TAF8: variants seen among roughly 807,000 people sequenced by gnomAD.
The protein encoded by TAF8 is transcription initiation factor TFIID subunit 8.
A neutral mutation model predicts 36.5 loss-of-function variants in TAF8; 47 were observed. The observed-to-expected ratio is 1.29, with a 90% confidence interval of 1.02 to 1.64. The LOEUF is 1.64. Among genes scored for constraint, TAF8 ranks in the 40% most tolerant of loss-of-function variants. TAF8 has a pLI of 0.00. For synonymous variants in TAF8, 175 were observed against 159.5 expected (o/e 1.10, Z -0.73); for missense variants, 420 against 407.6 (o/e 1.03, Z -0.26).
intron 6 of TAF8, among the ~76,000 whole-genome samples, chr6:42,067,190 A>G (rs1482573308): frequency 6.6e-6 from 1 of 152,192 alleles, no homozygotes; most frequent in Non-Finnish European, 1.5e-5. Context: ...AGGACCCCAC[A>G]TCTGACCCAC....
chr6:42,057,619 G>A, intron 5 of TAF8, 106 bp downstream of exon 5: 3 of 1,469,606 alleles, frequency 2.0e-6, no homozygotes. Context: ...ATGAAAGAGT[G>A]GTTCAAAACT....
chr6:42,078,595 G>A lies in TAF8; in HGVS notation c.*1050G>A. ...TGAGCAGATGCATCACTGTGAAGAA[G>A]AACGACATGTCGGGGCTGCACCTGT... On this transcript the variant is annotated 3_prime_UTR_variant, in exon 9 of 9. Coordinates refer to ENST00000372977, the MANE Select transcript of TAF8 (RefSeq NM_138572.3). The A allele has an allele frequency of 3.0e-6, 3 of 985,504 alleles. No individual in the cohort carries two copies. Among genetic ancestry groups the A allele is most frequent in the Non-Finnish European group, 2.4e-6 (2 of 829,950 alleles). The allele number at this position is 985,504 out of a possible 1,614,324, so 61.0% of individuals were successfully genotyped here. A position where few individuals can be genotyped will look rare whatever the true frequency, so the allele number is the denominator to read the frequency against.
rs1323494562 is a variant in TAF8, at chr6:42,079,960, G to A, written c.*2415G>A. 11 of 984,378 alleles carry A rather than the reference G, an allele frequency of 1.1e-5. No individual in the cohort carries two copies. The highest frequency in any genetic ancestry group is 1.3e-5 in the Non-Finnish European group (11 of 829,834). 61.0% of individuals were successfully genotyped at this position (984,378 alleles called of 1,614,324 possible). On this transcript the variant is annotated 3_prime_UTR_variant, in exon 9 of 9. Coordinates refer to ENST00000372977, the MANE Select transcript of TAF8 (RefSeq NM_138572.3). Reference sequence around the variant, plus strand: ...GGCCTCACTGTACTGTGTAAGGAAAGAGCTGCTTGTCAGGAACGGAAGAGG... The same window carrying A: ...GGCCTCACTGTACTGTGTAAGGAAAAAGCTGCTTGTCAGGAACGGAAGAGG...
Position 42,078,891 on chromosome 6 carries a change from G to C in TAF8, c.*1346G>C. On this transcript the variant is annotated 3_prime_UTR_variant, in exon 9 of 9. Coordinates refer to ENST00000372977, the MANE Select transcript of TAF8 (RefSeq NM_138572.3). ...AATCCCAGCACTTCGGGAGGCGAAG[G>C]CAGGTGGATCACTTGAGGTCAGGAG... 1.0e-6 allele frequency: 1 copy of C among 966,562 alleles called. No individual in the cohort carries two copies. The highest frequency in any genetic ancestry group is 1.2e-6 in the Non-Finnish European group (1 of 812,776). The allele number at this position is 966,562 out of a possible 1,614,324, so 59.9% of individuals were successfully genotyped here.
Position 42,068,547 on chromosome 6 carries a change from A to G in TAF8, c.720A>G (p.Thr240=). The stretch of plus-strand genomic sequence containing the variant: ...TGGAGATGCAACAAATGGAAGAGAC[A>G]GATTCCTCGGAGCAGGATGAACAGA... ...SELEMQQMEE[T]DSSEQDEQTD... is the part of the protein sequence containing the mutation. Residue 240 remains threonine (T), a synonymous_variant, in exon 7 of 9, where the codon ACA becomes ACG. Transcript: ENST00000372977. The G allele has an allele frequency of 6.2e-7, 1 of 1,614,108 alleles. No homozygotes were observed. Among genetic ancestry groups the G allele is most frequent in the East Asian group, 2.2e-5 (1 of 44,890 alleles).
intron 7 of TAF8, among the ~76,000 whole-genome samples, chr6:42,073,708 G>A (rs56268960): frequency 0.029 from 4,396 of 152,232 alleles, 215 homozygotes; most frequent in African/African-American, 0.1. Flanking sequence ...GTAGGGCCTT[G>A]TAGGCTATTT....
chr6:42,050,822 C>T (rs968419009), intron 1 of TAF8: 1 of 955,308 alleles, frequency 1.0e-6, no homozygotes, highest in Non-Finnish European at 1.4e-6. Flanking sequence ...GCCCGGAACA[C>T]CCCCGATTGG....
At chr6:42,077,025 G>C in intron 7 of TAF8, 75 bp from the exon 8 acceptor site, 1 of 1,512,272 alleles carries the variant, frequency 6.6e-7, no homozygotes, top group Non-Finnish European at 8.9e-7. Flanking sequence ...GGATGCTAAT[G>C]GTCATTCCAA....
At chr6:42,085,303 G>A (rs1202329065), downstream of TAF8, among the ~76,000 whole-genome samples, 1 of 152,182 alleles carries the variant, frequency 6.6e-6, no homozygotes, top group South Asian at 2.1e-4. Context: ...GAGAAATTGA[G>A]ACTATTTCCA....
chr6:42,053,380 A>G (rs1053416333), intron 2 of TAF8, among the ~76,000 whole-genome samples: 1 of 152,124 alleles, frequency 6.6e-6, no homozygotes, highest in African/African-American at 2.4e-5. Flanking sequence ...CCTTGCCAAC[A>G]TACTGAAACC....
chr6:42,073,895 A>G (rs1446015279), intron 7 of TAF8, among the ~76,000 whole-genome samples: 3 of 152,108 alleles, frequency 2.0e-5, no homozygotes, highest in African/African-American at 7.2e-5. Flanking sequence ...GCCCAAGTAG[A>G]GTGGTTGCCA....
At chr6:42,075,915 T>C (rs1158136045) in intron 7 of TAF8, among the ~76,000 whole-genome samples, 1 of 152,154 alleles carries the variant, frequency 6.6e-6, no homozygotes, top group Non-Finnish European at 1.5e-5. Context: ...TCTCAAAAAA[T>C]GAACAGTAAA....
At chr6:42,065,677 G>A (rs144093762) in intron 5 of TAF8, among the ~76,000 whole-genome samples, 316 of 152,244 alleles carry the variant, frequency 2.1e-3, no homozygotes, top group African/African-American at 6.8e-3. Context: ...TTCCCTGGGG[G>A]CACTCCCACT....
chr6:42,066,552 CT>C, intron 6 of TAF8, 93 bp downstream of exon 6: 1 of 1,440,114 alleles, frequency 6.9e-7, no homozygotes, highest in Non-Finnish European at 9.6e-7. Flanking sequence ...AACAAATAAG[CT>C]TTTGTCCTTC....
chr6:42,067,431 TC>T (rs1327102435), intron 6 of TAF8, among the ~76,000 whole-genome samples: 1 of 152,072 alleles, frequency 6.6e-6, no homozygotes, highest in Non-Finnish European at 1.5e-5. Flanking sequence ...GCCAGGTTGG[TC>T]TTGAACTCCT....
chr6:42,086,486 G>T (rs890787584), downstream of TAF8, among the ~76,000 whole-genome samples: 18 of 152,210 alleles, frequency 1.2e-4, no homozygotes, highest in Non-Finnish European at 8.8e-5. Context: ...TGGCCACCAC[G>T]TGTTTTCAGT....
intron 5 of TAF8, among the ~76,000 whole-genome samples, chr6:42,061,150 A>G (rs991133249): frequency 6.6e-6 from 1 of 152,212 alleles, no homozygotes; most frequent in African/African-American, 2.4e-5. Flanking sequence ...GCAAGATAAA[A>G]TGTCTGTGGA....
intron 6 of TAF8, among the ~76,000 whole-genome samples, chr6:42,066,798 A>G (rs1765381859): frequency 6.6e-6 from 1 of 152,156 alleles, no homozygotes; most frequent in African/African-American, 2.4e-5. Context: ...GTTCCCTCGT[A>G]GGTCCCACCT....
In TAF8 at chr6:42,078,413, C is replaced by G; in HGVS notation, c.*868C>G. ...TATTGACTCACAATTTGTGGCACCA[C>G]TTTCTCATCCCAGAACTTCATTCTT... On this transcript the variant is annotated 3_prime_UTR_variant, in exon 9 of 9. Coordinates refer to ENST00000372977, the MANE Select transcript of TAF8 (RefSeq NM_138572.3). 1 of 985,490 alleles carries G rather than the reference C, an allele frequency of 1.0e-6. No homozygotes were observed. Among genetic ancestry groups the G allele is most frequent in the Non-Finnish European group, 1.2e-6 (1 of 829,970 alleles). 61.0% of individuals were successfully genotyped at this position (985,490 alleles called of 1,614,324 possible).
Sources: gnomAD v4.1 joint callset for allele counts (sites outside exome capture counted in the v4.1 genomes callset) on GRCh38, gnomAD v4.1.1 for gene constraint, MANE v1.5 for transcripts, NCBI Gene and HGNC (gene_info 2026-07-23, HGNC 2026-07-21) for gene names.